The following PACC1 variants were observed in gnomAD, a reference collection of about 807,000 sequenced individuals.
PACC1 encodes proton-activated chloride channel.
In PACC1, 34 loss-of-function variants were observed where a neutral mutation model predicts 39.7. The ratio of observed to expected loss-of-function variants is 0.86; its 90% CI spans 0.65 to 1.14. The LOEUF (loss-of-function observed/expected upper bound fraction) is 1.14. Ranked by LOEUF, PACC1 falls within the 50% of genes most tolerant of loss-of-function variation. The pLI is 0.00. For synonymous variants in PACC1, 127 were observed against 160.6 expected (o/e 0.79, Z 1.58); for missense variants, 379 against 436.4 (o/e 0.87, Z 1.17).
At position 212,379,834 on chromosome 1, in the gene PACC1, T is replaced by C. The variant is rs1558168064; in HGVS notation, c.638+61A>G. 11 of 1,602,172 alleles carry C rather than the reference T, an allele frequency of 6.9e-6. No individual in the cohort carries two copies. The East Asian group carries it at 2.0e-4, about 29-fold the overall frequency. On this transcript the variant is annotated intron_variant, in intron 5 of 7. Coordinates refer to ENST00000261455, the MANE Select transcript of PACC1 (RefSeq NM_018252.3). ...CCCCTCCGTCTCTAGCCTTGGGACA[T>C]ACACAGCTGGAATAAGATAAAAAGT... is the stretch of plus-strand genomic sequence containing the variant.
chr1:212,371,603 A>G (rs1277638663), intron 7 of PACC1, among the ~76,000 whole-genome samples: 1 of 152,144 alleles, frequency 6.6e-6, no homozygotes, highest in East Asian at 1.9e-4. Context: ...TCTATCTAAC[A>G]TTAAAAAAAA....
intron 2 of PACC1, among the ~76,000 whole-genome samples, chr1:212,393,856 C>G (rs1370335284): frequency 1.3e-5 from 2 of 151,686 alleles, no homozygotes; most frequent in Non-Finnish European, 2.9e-5. Context: ...ATAAATTCCT[C>G]GACACATACA....
Position 212,379,922 on chromosome 1 carries a change from A to G in PACC1, c.611T>C (p.Phe204Ser). 1 of 1,614,170 alleles carries G rather than the reference A, an allele frequency of 6.2e-7. No individual in the cohort carries two copies. Among genetic ancestry groups the G allele is most frequent in the Non-Finnish European group, 8.5e-7 (1 of 1,180,022 alleles). Residue 204 changes from phenylalanine to serine, a missense_variant, in exon 5 of 8, where the codon TTC becomes TCC. Coordinates refer to ENST00000261455, the MANE Select transcript of PACC1 (RefSeq NM_018252.3). ...EDFSAIDYLL[F>S]SSFQEFLQSP... ...TTGCAGGAACTCCTGGAAAGAAGAG[A>G]AGAGGAGGTAATCAATGGCGCTGAA...
intron 2 of PACC1, among the ~76,000 whole-genome samples, chr1:212,404,228 T>G (rs1482394757): frequency 1.3e-5 from 2 of 152,012 alleles, no homozygotes; most frequent in Non-Finnish European, 2.9e-5. Flanking sequence ...TGCCTCAGCC[T>G]CCCGAGTAGC....
chr1:212,385,574 G>A, intron 3 of PACC1, 149 bp from the exon 4 acceptor site: 1 of 829,324 alleles, frequency 1.2e-6, no homozygotes, highest in Non-Finnish European at 1.9e-6. Context: ...AGGGTGAGGA[G>A]CCACATCCCC....
At chr1:212,367,036 G>A (rs1372397079) in intron 7 of PACC1, among the ~76,000 whole-genome samples, 3 of 152,162 alleles carry the variant, frequency 2.0e-5, no homozygotes, top group Admixed American at 2.0e-4. Context: ...TGGACGGTGT[G>A]TCTTAAATGT....
Position 212,386,788 on chromosome 1 carries a change from G to A in PACC1, c.343+103C>T. 1 of 1,166,882 alleles carries A rather than the reference G, an allele frequency of 8.6e-7. No individual in the cohort carries two copies. Among genetic ancestry groups the A allele is most frequent in the Non-Finnish European group, 1.3e-6 (1 of 791,386 alleles). 72.3% of individuals were successfully genotyped at this position (1,166,882 alleles called of 1,614,324 possible). ...AGACTATGCTTGGTTGGACTCCTCTGCCCTGCCCGTAGTACCACAAATACA... is the reference window on the plus strand; with the variant it reads ...AGACTATGCTTGGTTGGACTCCTCTACCCTGCCCGTAGTACCACAAATACA... On this transcript the variant is annotated intron_variant, in intron 3 of 7. Coordinates refer to ENST00000261455, the MANE Select transcript of PACC1 (RefSeq NM_018252.3). The surrounding 1 kb of genome is among the most constrained non-coding windows in gnomAD (Gnocchi z 5.0).
intron 1 of PACC1, among the ~76,000 whole-genome samples, chr1:212,411,567 G>A (rs1662127970): frequency 6.6e-6 from 1 of 152,172 alleles, no homozygotes; most frequent in African/African-American, 2.4e-5. Context: ...TAGGATTAAG[G>A]AGGAGGGCAA....
intron 1 of PACC1, among the ~76,000 whole-genome samples, chr1:212,414,279 G>A (rs946644397): frequency 6.6e-6 from 1 of 152,236 alleles, no homozygotes; most frequent in African/African-American, 2.4e-5. Flanking sequence ...TGGGCTTGGA[G>A]GGGGAGGATG....
rs1323499569 is a variant in PACC1, at chr1:212,375,256, T to A, written c.828A>T (p.Lys276Asn). 6.2e-7 allele frequency: 1 copy of A among 1,614,036 alleles called. No individual in the cohort carries two copies. The highest frequency in any genetic ancestry group is 8.5e-7 in the Non-Finnish European group (1 of 1,179,920). Residue 276 changes from lysine to asparagine, a missense_variant, in exon 7 of 8, where the codon AAA (lysine) becomes AAT (asparagine). Physicochemically the swap from Lys to Asn is moderately conservative, Grantham distance 94. Coordinates refer to ENST00000261455, the MANE Select transcript of PACC1 (RefSeq NM_018252.3). ...AGACCACAAAAAACAATTGAGCACTTTTTTTGGCAGCTGGCCTCTGGTCAA... is the reference window on the plus strand; with the variant it reads ...AGACCACAAAAAACAATTGAGCACTATTTTTGGCAGCTGGCCTCTGGTCAA... ...NYIDQRPAAK[K>N]SAQLFFVVFE...
At chr1:212,367,940 T>C (rs941119401) in intron 7 of PACC1, among the ~76,000 whole-genome samples, 1 of 152,110 alleles carries the variant, frequency 6.6e-6, no homozygotes, top group African/African-American at 2.4e-5. Flanking sequence ...CAGTATTGCA[T>C]TGGTTTAGGA....
rs1195596818 is a variant in PACC1, at chr1:212,380,000, TTCA to T, written c.530_532del (p.Val177_Lys178delinsGlu). 1 of 1,614,196 alleles carries T rather than the reference TTCA, an allele frequency of 6.2e-7. No homozygotes were observed. On this transcript the variant is annotated inframe_deletion, in exon 5 of 8. Coordinates refer to ENST00000261455, the MANE Select transcript of PACC1 (RefSeq NM_018252.3). ...CTGGAGGAAGACCAGCTCCCGCTTT[TTCA>T]CTTCCCGGGGCCCCTGGACAATCAG...
chr1:212,383,916 G>A (rs1660998737), intron 4 of PACC1, among the ~76,000 whole-genome samples: 1 of 152,094 alleles, frequency 6.6e-6, no homozygotes. Flanking sequence ...TTACCCAGAG[G>A]CAACCATCCC....
At chr1:212,414,163 G>A (rs1165769870) in intron 1 of PACC1, 7 of 1,400,268 alleles carry the variant, frequency 5.0e-6, no homozygotes, top group Non-Finnish European at 5.6e-6. Context: ...GAGAGACGAA[G>A]AGGAGCGAGA....
intron 7 of PACC1, among the ~76,000 whole-genome samples, chr1:212,366,320 T>TC (rs1292501618): frequency 1.3e-5 from 2 of 148,844 alleles, no homozygotes; most frequent in African/African-American, 5.0e-5. Context: ...TTTTTTTTTT[T>TC]TGAGATGGAG....
At chr1:212,396,710 A>T (rs888599669) in intron 2 of PACC1, among the ~76,000 whole-genome samples, 2 of 151,310 alleles carry the variant, frequency 1.3e-5, no homozygotes, top group African/African-American at 4.8e-5. Context: ...TTAAAAAAAA[A>T]AAAAAAAAAC....
intron 2 of PACC1, among the ~76,000 whole-genome samples, chr1:212,394,901 G>A (rs1661456406): frequency 6.6e-6 from 1 of 152,140 alleles, no homozygotes; most frequent in African/African-American, 2.4e-5. Flanking sequence ...ACCTCTTCAA[G>A]GAGAACTACA....
intron 2 of PACC1, among the ~76,000 whole-genome samples, chr1:212,407,126 A>C (rs1661946546): frequency 6.6e-6 from 1 of 152,260 alleles, no homozygotes. Flanking sequence ...ACTTTAAAGC[A>C]GGGAGATTAT....
chr1:212,372,295 CAAAA>C lies in PACC1; in HGVS notation c.891+2894_891+2897del, dbSNP rs1236901337. On this transcript the variant is annotated intron_variant, in intron 7 of 7. Transcript: ENST00000261455. The stretch of plus-strand genomic sequence containing the variant: ...ATGAAACTGTGTCAAAAAAAAAAAA[CAAAA>C]AACAAAAAACAAAAAAAAAACAAAA... Among the ~76,000 whole-genome samples, 1,320 of 133,988 alleles carry C rather than the reference CAAAA, an allele frequency of 9.9e-3. 18 individuals are homozygous for C. Among genetic ancestry groups the C allele is most frequent in the Non-Finnish European group, 0.013 (789 of 61,478 alleles). 87.9% of individuals were successfully genotyped at this position (133,988 alleles called of 152,430 possible).
Sources: allele counts gnomAD v4.1 joint callset (sites outside exome capture counted in the v4.1 genomes callset), GRCh38; gene constraint gnomAD v4.1.1; non-coding constraint Gnocchi (gnomAD v3.1); transcripts MANE v1.5; gene names NCBI Gene and HGNC (gene_info 2026-07-23, HGNC 2026-07-21).